SH3KBP1: variants seen among roughly 807,000 people sequenced by gnomAD.
SH3KBP1 encodes the protein SH3 domain-containing kinase-binding protein 1.
In SH3KBP1, 8 loss-of-function variants were observed where a neutral mutation model predicts 50.1. That is an observed-to-expected ratio of 0.16 (90% CI 0.09 to 0.29). The LOEUF (loss-of-function observed/expected upper bound fraction) is 0.29. SH3KBP1 is among the 10% of genes least tolerant of loss of function. The probability of loss-of-function intolerance (pLI) is 1.00; values close to 1 mark genes in which losing one functional copy is unlikely to be tolerated. For missense variants in SH3KBP1, 377 were observed against 535.2 expected (o/e 0.70, Z 2.92); for synonymous variants, 227 against 218.6 (o/e 1.04, Z -0.34).
chrX:19,705,551 G>A (rs1001056959), intron 4 of SH3KBP1, among the ~76,000 whole-genome samples: 9 of 111,355 alleles, frequency 8.1e-5, no homozygotes, highest in Non-Finnish European at 3.8e-5. Flanking sequence ...GGTAAAAAAG[G>A]ATGAATGACA....
chrX:19,837,462 C>CTTTT (rs777871798), intron 1 of SH3KBP1, among the ~76,000 whole-genome samples: 22 of 72,755 alleles, frequency 3.0e-4, no homozygotes, highest in East Asian at 8.4e-4. Context: ...TTTCATAACA[C>CTTTT]TTTTTTTTTT....
intron 2 of SH3KBP1, among the ~76,000 whole-genome samples, chrX:19,831,905 C>G (rs939878301): frequency 4.5e-5 from 5 of 110,673 alleles, no homozygotes; most frequent in African/African-American, 1.6e-4. Context: ...CACACCTATG[C>G]CAATATGATT....
Position 19,874,306 on chromosome X carries a change from G to A in SH3KBP1, c.4+13001C>T, listed in dbSNP as rs937523503. 1.1e-3 allele frequency among the ~76,000 whole-genome samples: 110 copies of A among 96,809 alleles called. 1 individual carries two copies. The highest frequency in any genetic ancestry group is 3.7e-3 in the African/African-American group (94 of 25,540). The allele number at this position is 96,809 out of a possible 115,157, so 84.1% of individuals were successfully genotyped here. A position where few individuals can be genotyped will look rare whatever the true frequency, so the allele number is the denominator to read the frequency against. Reference sequence around the variant, plus strand: ...GCAAGAGAGAAGAGGGGTTGAGGGAGAGTGGGCACTGGGGCCAGAGTGGGG... The same window carrying A: ...GCAAGAGAGAAGAGGGGTTGAGGGAAAGTGGGCACTGGGGCCAGAGTGGGG... On this transcript the variant is annotated intron_variant, in intron 1 of 17. Transcript: ENST00000397821.
chrX:19,796,551 C>A (rs1225130133), intron 2 of SH3KBP1, among the ~76,000 whole-genome samples: 1 of 111,807 alleles, frequency 8.9e-6, no homozygotes, highest in Non-Finnish European at 1.9e-5. Flanking sequence ...CATCTGAGAG[C>A]ATCAGGGCAG....
intron 2 of SH3KBP1, among the ~76,000 whole-genome samples, chrX:19,776,665 A>T (rs775022612): frequency 9.5e-6 from 1 of 105,292 alleles, no homozygotes; most frequent in South Asian, 4.4e-4. Flanking sequence ...CTCCCACCTC[A>T]GCCTACTGAG....
intron 8 of SH3KBP1, among the ~76,000 whole-genome samples, chrX:19,631,445 A>G (rs775094480): frequency 8.9e-6 from 1 of 112,287 alleles, no homozygotes; most frequent in Admixed American, 9.4e-5. Flanking sequence ...CCTGTCTTTG[A>G]TCTGAACAGC....
At chrX:19,754,992 TAAAG>T (rs1183627490) in intron 2 of SH3KBP1, among the ~76,000 whole-genome samples, 1 of 112,250 alleles carries the variant, frequency 8.9e-6, no homozygotes, top group Non-Finnish European at 1.9e-5. Context: ...TAGAAGAAAA[TAAAG>T]AATGTTTCTA....
chrX:19,536,756 G>C (rs1427857312), intron 17 of SH3KBP1, among the ~76,000 whole-genome samples: 1 of 111,877 alleles, frequency 8.9e-6, no homozygotes, highest in Non-Finnish European at 1.9e-5. Context: ...TAGAGCAGGC[G>C]GTCCTAACAG....
intron 2 of SH3KBP1, among the ~76,000 whole-genome samples, chrX:19,815,905 T>A (rs2067341801): frequency 1.8e-5 from 2 of 112,175 alleles, no homozygotes; most frequent in African/African-American, 6.5e-5. Context: ...ATTCATCCAC[T>A]CAAAGACAAT....
At chrX:19,635,695 A>G (rs1468635396) in intron 7 of SH3KBP1, among the ~76,000 whole-genome samples, 1 of 111,377 alleles carries the variant, frequency 9.0e-6, no homozygotes, top group African/African-American at 3.3e-5. Context: ...TTCCACTTAA[A>G]TATTTATTGG....
Position 19,536,040 on chromosome X carries a change from T to A in SH3KBP1, c.*377A>T. 1 of 122,150 alleles carries A rather than the reference T, an allele frequency of 8.2e-6. No homozygotes were observed. The highest frequency in any genetic ancestry group is 1.7e-5 in the Non-Finnish European group (1 of 58,946). The allele number at this position is 122,150 out of a possible 1,213,427, so 10.1% of individuals were successfully genotyped here. On this transcript the variant is annotated 3_prime_UTR_variant, in exon 18 of 18. Coordinates refer to ENST00000397821, the MANE Select transcript of SH3KBP1 (RefSeq NM_031892.3). ...TCTGTGACAAAACACGATTAAAAAA[T>A]CATAAAATTATAAAGCTTGTAAACG...
At chrX:19,656,021 T>C (rs7058349) in intron 6 of SH3KBP1, among the ~76,000 whole-genome samples, 1,605 of 110,568 alleles carry the variant, frequency 0.015, 27 homozygotes, top group African/African-American at 0.044. Context: ...TAGAGACTGG[T>C]GGGAAGGGTA....
At chrX:19,777,690 C>T (rs777748052) in intron 2 of SH3KBP1, among the ~76,000 whole-genome samples, 2 of 111,402 alleles carry the variant, frequency 1.8e-5, no homozygotes, top group South Asian at 3.8e-4. Flanking sequence ...AGTCCTCCAG[C>T]GCCTTATTCT....
intron 9 of SH3KBP1, among the ~76,000 whole-genome samples, chrX:19,603,349 A>G (rs1202646941): frequency 8.9e-6 from 1 of 112,378 alleles, no homozygotes; most frequent in Admixed American, 9.4e-5. Context: ...TAGGGGACAA[A>G]ATGACCGGGG....
At chrX:19,844,940 C>T (rs1013128930) in intron 1 of SH3KBP1, among the ~76,000 whole-genome samples, 1 of 110,767 alleles carries the variant, frequency 9.0e-6, no homozygotes, top group Non-Finnish European at 1.9e-5. Flanking sequence ...ATTAGCCGGG[C>T]GTGGTGGCGG....
chrX:19,603,400 T>A (rs1021403914), intron 9 of SH3KBP1, among the ~76,000 whole-genome samples: 3 of 112,076 alleles, frequency 2.7e-5, no homozygotes, highest in Non-Finnish European at 3.8e-5. Context: ...ACATCTGAGT[T>A]CTTGTTGTGA....
At chrX:19,706,413 G>A (rs2063652046) in intron 4 of SH3KBP1, among the ~76,000 whole-genome samples, 2 of 110,554 alleles carry the variant, frequency 1.8e-5, no homozygotes, top group African/African-American at 3.3e-5. Flanking sequence ...ACAATAAACC[G>A]TGTGGGCTGA....
At chrX:19,840,182 T>G (rs2068182780) in intron 1 of SH3KBP1, among the ~76,000 whole-genome samples, 1 of 111,745 alleles carries the variant, frequency 8.9e-6, no homozygotes, top group African/African-American at 3.3e-5. Flanking sequence ...TCCTACCCAC[T>G]CTAAGGGCTC....
At chrX:19,623,042 C>CAAAAA (rs773914815) in intron 8 of SH3KBP1, among the ~76,000 whole-genome samples, 2 of 22,230 alleles carry the variant, frequency 9.0e-5, no homozygotes, top group African/African-American at 1.4e-4. Flanking sequence ...CACTCTGACT[C>CAAAAA]AAAAAAAAAA....
Sources: gnomAD v4.1 joint callset for allele counts (sites outside exome capture counted in the v4.1 genomes callset) on GRCh38, gnomAD v4.1.1 for gene constraint, MANE v1.5 for transcripts, NCBI Gene and HGNC (gene_info 2026-07-23, HGNC 2026-07-21) for gene names.